CNTNAP2: variants seen among roughly 807,000 people sequenced by gnomAD.
CNTNAP2 encodes the protein contactin-associated protein-like 2.
CNTNAP2 carries 98 observed loss-of-function variants against 155.2 expected under a neutral mutation model. The observed-to-expected ratio is 0.63, with a 90% CI of 0.54 to 0.75. The LOEUF is 0.75. Ranked by LOEUF, CNTNAP2 falls within the 30% of genes least tolerant of loss-of-function variation. The pLI is 0.00. For synonymous variants in CNTNAP2, 651 were observed against 631.2 expected (o/e 1.03, Z -0.47); for missense variants, 1,727 against 1,688.1 (o/e 1.02, Z -0.40).
chr7:148,321,298 C>G (rs974744924), intron 21 of CNTNAP2, among the ~76,000 whole-genome samples: 1 of 152,084 alleles, frequency 6.6e-6, no homozygotes, highest in Admixed American at 6.6e-5. Context: ...GTGTAGGATT[C>G]TAAATCCAGC....
At chr7:147,821,306 A>G (rs1467640517) in intron 13 of CNTNAP2, among the ~76,000 whole-genome samples, 2 of 152,146 alleles carry the variant, frequency 1.3e-5, no homozygotes, top group East Asian at 1.9e-4. Flanking sequence ...AATGTTTTCT[A>G]GGTCCCATTA....
At chr7:146,958,664 C>T (rs1047788888) in intron 3 of CNTNAP2, among the ~76,000 whole-genome samples, 6 of 151,910 alleles carry the variant, frequency 3.9e-5, no homozygotes, top group Admixed American at 1.3e-4. Context: ...CCGCCTGCCT[C>T]GGCCTCCCAA....
chr7:146,286,404 A>G (rs1800337899), intron 1 of CNTNAP2, among the ~76,000 whole-genome samples: 1 of 152,122 alleles, frequency 6.6e-6, no homozygotes, highest in Non-Finnish European at 1.5e-5. Flanking sequence ...TGGTAAATTC[A>G]TCAGGGTACA....
rs113134621 is a variant in CNTNAP2, at chr7:148,373,611, G to A, written c.3476-10038G>A. On this transcript the variant is annotated intron_variant, in intron 21 of 23. Transcript: ENST00000361727. Reference sequence around the variant, plus strand: ...ATCCTTGACCAAAGCATCATTATGTGGTGCCTGACTGTACTACTCAAACAT... The same window carrying A: ...ATCCTTGACCAAAGCATCATTATGTAGTGCCTGACTGTACTACTCAAACAT... Among the ~76,000 whole-genome samples, 685 of 152,272 alleles carry A rather than the reference G, an allele frequency of 4.5e-3. 4 individuals are homozygous for A. Among genetic ancestry groups the A allele is most frequent in the African/African-American group, 0.016 (659 of 41,550 alleles).
At chr7:148,409,278 T>C (rs1376951776) in intron 22 of CNTNAP2, 113 bp from the exon 23 acceptor site, 10 of 852,690 alleles carry the variant, frequency 1.2e-5, no homozygotes, top group Non-Finnish European at 2.0e-5. Flanking sequence ...GAAATGGAGA[T>C]TTCATTTGGG....
At chr7:147,728,813 C>T (rs1039981315) in intron 13 of CNTNAP2, among the ~76,000 whole-genome samples, 1 of 151,688 alleles carries the variant, frequency 6.6e-6, no homozygotes, top group Non-Finnish European at 1.5e-5. Context: ...TATTATGGGC[C>T]TAGAGCCAAG....
intron 13 of CNTNAP2, among the ~76,000 whole-genome samples, chr7:147,734,560 T>C (rs1001948196): frequency 1.3e-5 from 2 of 152,258 alleles, no homozygotes. Flanking sequence ...TCCCTCTTTT[T>C]CTATTGATTG....
intron 9 of CNTNAP2, among the ~76,000 whole-genome samples, chr7:147,336,364 T>C (rs1795665055): frequency 6.6e-6 from 1 of 152,132 alleles, no homozygotes; most frequent in Admixed American, 6.6e-5. Flanking sequence ...AGCAGCACCA[T>C]GCTCAGCACA....
intron 1 of CNTNAP2, among the ~76,000 whole-genome samples, chr7:146,393,968 C>G (rs1339247522): frequency 6.6e-6 from 1 of 152,080 alleles, no homozygotes; most frequent in Non-Finnish European, 1.5e-5. Flanking sequence ...ATATTGTTAA[C>G]AGGTATTCTA....
chr7:146,479,289 A>G (rs1439897897), intron 1 of CNTNAP2, among the ~76,000 whole-genome samples: 1 of 152,206 alleles, frequency 6.6e-6, no homozygotes, highest in Non-Finnish European at 1.5e-5. Flanking sequence ...GTTATCTATG[A>G]ATTGTGCTTC....
chr7:148,133,378 C>G (rs1804873695), intron 16 of CNTNAP2, among the ~76,000 whole-genome samples: 1 of 152,162 alleles, frequency 6.6e-6, no homozygotes, highest in South Asian at 2.1e-4. Context: ...AGGAGAATCG[C>G]TTGAACCTGG....
chr7:148,397,707 C>G (rs1271253123), intron 22 of CNTNAP2, among the ~76,000 whole-genome samples: 1 of 152,214 alleles, frequency 6.6e-6, no homozygotes, highest in Non-Finnish European at 1.5e-5. Flanking sequence ...TGTGACAGAG[C>G]CACACGGCTC....
intron 13 of CNTNAP2, among the ~76,000 whole-genome samples, chr7:147,755,550 G>A (rs893659368): frequency 1.3e-5 from 2 of 152,198 alleles, no homozygotes; most frequent in Non-Finnish European, 2.9e-5. Flanking sequence ...CTACTTGGAA[G>A]GCAGAGGCAG....
intron 13 of CNTNAP2, among the ~76,000 whole-genome samples, chr7:147,726,549 G>A (rs920560626): frequency 6.6e-6 from 1 of 151,984 alleles, no homozygotes; most frequent in Non-Finnish European, 1.5e-5. Flanking sequence ...TAGATCAAGA[G>A]CTGACCAATA....
chr7:147,443,356 T>G (rs1323106899), intron 10 of CNTNAP2, among the ~76,000 whole-genome samples: 1 of 152,104 alleles, frequency 6.6e-6, no homozygotes, highest in Non-Finnish European at 1.5e-5. Context: ...CCTCAGCACA[T>G]GGAAATGCTC....
chr7:147,278,290 G>C (rs1381059449), intron 8 of CNTNAP2, among the ~76,000 whole-genome samples: 2 of 151,660 alleles, frequency 1.3e-5, no homozygotes, highest in Non-Finnish European at 3.0e-5. Flanking sequence ...ATAGTTCATA[G>C]TGATTTCTTT....
chr7:146,752,173 T>C (rs1299641556), intron 1 of CNTNAP2, among the ~76,000 whole-genome samples: 1 of 152,168 alleles, frequency 6.6e-6, no homozygotes, highest in East Asian at 1.9e-4. Flanking sequence ...ATGGTATTTC[T>C]GATTCTAGAT....
In CNTNAP2 at chr7:147,266,270, C is replaced by T. The variant is rs10262562; in HGVS notation, c.1349-33871C>T. 4.0e-3 allele frequency among the ~76,000 whole-genome samples: 613 copies of T among 152,300 alleles called. 6 individuals carry two copies. The highest frequency in any genetic ancestry group is 0.014 in the African/African-American group (585 of 41,570). ...TACAGGAGCTGCTAACTAGAATAACCAGTTGAGAGAGAAACATAAAAGACC... is the reference window on the plus strand; with the variant it reads ...TACAGGAGCTGCTAACTAGAATAACTAGTTGAGAGAGAAACATAAAAGACC... On this transcript the variant is annotated intron_variant, in intron 8 of 23. Coordinates refer to ENST00000361727, the MANE Select transcript of CNTNAP2 (RefSeq NM_014141.6).
chr7:146,733,224 C>T (rs190263728), intron 1 of CNTNAP2, among the ~76,000 whole-genome samples: 2 of 152,134 alleles, frequency 1.3e-5, no homozygotes, highest in Admixed American at 1.3e-4. Flanking sequence ...TTCAGGAATC[C>T]AGACCCTTAG....
Sources: allele counts gnomAD v4.1 joint callset (sites outside exome capture counted in the v4.1 genomes callset), GRCh38; gene constraint gnomAD v4.1.1; transcripts MANE v1.5; gene names NCBI Gene and HGNC (gene_info 2026-07-23, HGNC 2026-07-21).